The following SLIT3 variants were observed in gnomAD, a reference collection of about 807,000 sequenced individuals.
The protein encoded by SLIT3 is slit homolog 3 protein.
A neutral mutation model predicts 184.0 loss-of-function variants in SLIT3; 68 were observed. That is an observed-to-expected ratio of 0.37 (90% CI 0.30 to 0.45). SLIT3 has a LOEUF of 0.45. Among genes scored for constraint, SLIT3 ranks in the 20% least tolerant of loss-of-function variants. The pLI, the probability that SLIT3 is intolerant of heterozygous loss-of-function variation, is 1.00. For missense variants in SLIT3, 1,707 were observed against 2,026.0 expected, an observed-to-expected ratio of 0.84 and a Z score of 3.02; for synonymous variants, 831 against 828.6, an observed-to-expected ratio of 1.00 and a Z score of -0.05.
chr5:168,993,671 A>AG (rs1258246534), intron 4 of SLIT3, among the ~76,000 whole-genome samples: 1 of 117,650 alleles, frequency 8.5e-6, no homozygotes, highest in Non-Finnish European at 1.8e-5. Context: ...CTAAGTACAC[A>AG]GGAAAAAAAA....
rs72837955 is a variant in SLIT3, at chr5:169,214,166, A to G, written c.342-20616T>C. Among the ~76,000 whole-genome samples the G allele has an allele frequency of 4.6e-3, 699 of 152,374 alleles. 3 individuals carry two copies. The highest frequency in any genetic ancestry group is 0.013 in the African/African-American group (527 of 41,594). On this transcript the variant is annotated intron_variant, in intron 3 of 35. Coordinates refer to ENST00000519560, the MANE Select transcript of SLIT3 (RefSeq NM_003062.4). The stretch of plus-strand genomic sequence containing the variant: ...AGTTGTAAGAATTAATTGAAATCAT[A>G]TAAGTGGCTCTGTATTCTGCCTGAT...
At chr5:169,117,547 C>G (rs745316772) in intron 4 of SLIT3, among the ~76,000 whole-genome samples, 1 of 152,120 alleles carries the variant, frequency 6.6e-6, no homozygotes, top group African/African-American at 2.4e-5. Flanking sequence ...AATTTGGACA[C>G]GATGGCAGAG....
intron 5 of SLIT3, among the ~76,000 whole-genome samples, chr5:168,845,334 C>A (rs915978391): frequency 6.6e-6 from 1 of 152,140 alleles, no homozygotes; most frequent in African/African-American, 2.4e-5. Context: ...TGACTAAATA[C>A]AGATTCCCTC....
intron 5 of SLIT3, among the ~76,000 whole-genome samples, chr5:168,870,913 G>A (rs1036099814): frequency 4.6e-5 from 7 of 152,312 alleles, no homozygotes; most frequent in African/African-American, 1.4e-4. Context: ...AAATCCAGAC[G>A]ACAGGGTTTG....
chr5:169,000,677 T>A (rs887704968), intron 4 of SLIT3, among the ~76,000 whole-genome samples: 1 of 152,128 alleles, frequency 6.6e-6, no homozygotes, highest in African/African-American at 2.4e-5. Flanking sequence ...CTGGTCAGTA[T>A]CAAACTCACT....
chr5:168,912,639 A>G (rs531732398), intron 4 of SLIT3, among the ~76,000 whole-genome samples: 2 of 152,338 alleles, frequency 1.3e-5, no homozygotes, highest in East Asian at 1.9e-4. Flanking sequence ...GTTTGGGTGT[A>G]TATTACAAAC....
intron 8 of SLIT3, among the ~76,000 whole-genome samples, chr5:168,808,528 C>T (rs1033083893): frequency 1.3e-4 from 20 of 152,276 alleles, no homozygotes; most frequent in African/African-American, 4.8e-4. Flanking sequence ...TTAGAATACA[C>T]GGCACAGGGT....
intron 18 of SLIT3, 45 bp downstream of exon 18, chr5:168,752,910 A>G: frequency 1.9e-6 from 3 of 1,594,644 alleles, no homozygotes; most frequent in Non-Finnish European, 1.7e-6. Context: ...AGCGCTGCAG[A>G]GTGGGATCCC....
At chr5:168,685,992 C>A (rs1761731849) in intron 30 of SLIT3, 65 bp from the exon 31 acceptor site, 1 of 1,518,012 alleles carries the variant, frequency 6.6e-7, no homozygotes. Context: ...ATCACAGTTA[C>A]TCAGGCCAAA....
rs551178648 is a variant in SLIT3 at position 168,662,355 on chromosome 5, T to C, written c.*4099A>G. ...AAGGCAGTGGGTGACTGCTTGACTT[T>C]AGGGTTCAGTCTGGCAATAGCTTTG... On this transcript the variant is annotated 3_prime_UTR_variant, in exon 36 of 36. Transcript: ENST00000519560. 2.0e-4 allele frequency: 30 copies of C among 152,358 alleles called. No homozygotes were observed. The highest frequency in any genetic ancestry group is 7.2e-4 in the African/African-American group (30 of 41,590). The allele number at this position is 152,358 out of a possible 1,614,324, so 9.4% of individuals were successfully genotyped here.
Position 168,665,663 on chromosome 5 carries a change from G to A in SLIT3, c.*791C>T, listed in dbSNP as rs149860144. On this transcript the variant is annotated 3_prime_UTR_variant, in exon 36 of 36. Coordinates refer to ENST00000519560, the MANE Select transcript of SLIT3 (RefSeq NM_003062.4). ...GACTTCAATAGTCAGTCCTCGATTG[G>A]AAGCCAGGGCCAGCCAGGAAGGAGA... 6.5e-6 allele frequency: 1 copy of A among 152,740 alleles called. No individual in the cohort carries two copies. Among genetic ancestry groups the A allele is most frequent in the Non-Finnish European group, 1.5e-5 (1 of 68,362 alleles). The allele number at this position is 152,740 out of a possible 1,614,324, so 9.5% of individuals were successfully genotyped here. A position where few individuals can be genotyped will look rare whatever the true frequency, so the allele number is the denominator to read the frequency against.
chr5:169,143,665 G>T (rs1761821821), intron 4 of SLIT3, among the ~76,000 whole-genome samples: 1 of 152,194 alleles, frequency 6.6e-6, no homozygotes, highest in South Asian at 2.1e-4. Context: ...GTCGGGCATT[G>T]TGGTGCATGC....
In SLIT3 at chr5:168,965,318, A is replaced by G. The variant is rs908185413; in HGVS notation, c.414-81982T>C. 2.0e-4 allele frequency among the ~76,000 whole-genome samples: 31 copies of G among 152,240 alleles called. 1 individual carries two copies. The highest frequency in any genetic ancestry group is 7.2e-4 in the African/African-American group (30 of 41,458). On this transcript the variant is annotated intron_variant, in intron 4 of 35. Coordinates refer to ENST00000519560, the MANE Select transcript of SLIT3 (RefSeq NM_003062.4). ...TTGTTTAGGCGACTTTGCTCACTTC[A>G]ACAAGGAAAGATACTCACTTTAAGT... is the stretch of plus-strand genomic sequence containing the variant.
chr5:168,935,459 C>G (rs982239113), intron 4 of SLIT3, among the ~76,000 whole-genome samples: 1 of 152,182 alleles, frequency 6.6e-6, no homozygotes, highest in East Asian at 1.9e-4. Flanking sequence ...CCAGAGAGTA[C>G]CTTCCTCAAA....
chr5:169,124,402 C>T (rs1449570209), intron 4 of SLIT3, among the ~76,000 whole-genome samples: 1 of 152,198 alleles, frequency 6.6e-6, no homozygotes, highest in African/African-American at 2.4e-5. Context: ...TAGAACAAGA[C>T]ATTCCTTTGG....
At chr5:168,881,174 T>C (rs12654939) in intron 5 of SLIT3, among the ~76,000 whole-genome samples, 6,524 of 152,290 alleles carry the variant, frequency 0.043, 254 homozygotes, top group Admixed American at 0.11. Flanking sequence ...TTTAGGATCC[T>C]GAGTAATACA....
At chr5:169,245,992 T>C (rs545377418) in intron 2 of SLIT3, among the ~76,000 whole-genome samples, 1 of 152,296 alleles carries the variant, frequency 6.6e-6, no homozygotes, top group East Asian at 1.9e-4. Flanking sequence ...TGAAAACCTA[T>C]AGAAGACTTT....
chr5:168,884,280 C>T (rs1760083640), intron 4 of SLIT3, among the ~76,000 whole-genome samples: 1 of 151,532 alleles, frequency 6.6e-6, no homozygotes, highest in Non-Finnish European at 1.5e-5. Context: ...TGCCAGGCCT[C>T]CTTCCAGGCT....
At chr5:169,266,952 G>C (rs1037728616) in intron 1 of SLIT3, among the ~76,000 whole-genome samples, 1 of 152,076 alleles carries the variant, frequency 6.6e-6, no homozygotes, top group Non-Finnish European at 1.5e-5. Context: ...ACTTAACTCC[G>C]GTCAATAGAG....
Sources: gnomAD v4.1 joint callset for allele counts (sites outside exome capture counted in the v4.1 genomes callset) on GRCh38, gnomAD v4.1.1 for gene constraint, MANE v1.5 for transcripts, NCBI Gene and HGNC (gene_info 2026-07-23, HGNC 2026-07-21) for gene names.